KIRREL3: variants seen among roughly 807,000 people sequenced by gnomAD.
The protein encoded by KIRREL3 is kin of IRRE-like protein 3.
A neutral mutation model predicts 89.7 loss-of-function variants in KIRREL3; 36 were observed. That is an observed-to-expected ratio of 0.40 (90% CI 0.31 to 0.53). KIRREL3 has a LOEUF of 0.53. Among genes scored for constraint, KIRREL3 ranks in the 20% least tolerant of loss-of-function variants. KIRREL3 has a pLI of 0.49. For synonymous variants in KIRREL3, 445 were observed against 441.4 expected, an observed-to-expected ratio of 1.01 and a Z score of -0.10; for missense variants, 864 against 1,056.6, an observed-to-expected ratio of 0.82 and a Z score of 2.53.
intron 1 of KIRREL3, among the ~76,000 whole-genome samples, chr11:126,583,572 C>T (rs1941669162): frequency 1.3e-5 from 2 of 152,204 alleles, no homozygotes; most frequent in African/African-American, 4.8e-5. Context: ...TGGAGTTAGA[C>T]ACACTTAGGT....
chr11:126,831,435 TTC>T (rs5795530), intron 1 of KIRREL3, among the ~76,000 whole-genome samples: 1 of 149,906 alleles, frequency 6.7e-6, no homozygotes, highest in Non-Finnish European at 1.5e-5. Flanking sequence ...CTCTCTCTCT[TTC>T]TCTCTCTCTC....
intron 1 of KIRREL3, among the ~76,000 whole-genome samples, chr11:126,580,836 G>GT (rs58691243): frequency 0.37 from 51,354 of 140,634 alleles, 9,413 homozygotes; most frequent in South Asian, 0.53. Context: ...GGAATTTCCT[G>GT]TTTTTTTTTT....
chr11:126,556,590 A>T (rs144967284), intron 2 of KIRREL3, among the ~76,000 whole-genome samples: 9 of 152,186 alleles, frequency 5.9e-5, no homozygotes, highest in Admixed American at 2.0e-4. Flanking sequence ...GTGAGCCACG[A>T]TGGTACCACT....
intron 7 of KIRREL3, among the ~76,000 whole-genome samples, chr11:126,450,601 G>A (rs1470566060): frequency 6.6e-6 from 1 of 151,616 alleles, no homozygotes; most frequent in Admixed American, 6.6e-5. Context: ...GTGCATGTGT[G>A]TGTCCATCGG....
intron 1 of KIRREL3, among the ~76,000 whole-genome samples, chr11:126,613,799 C>T (rs945786990): frequency 1.3e-5 from 2 of 151,268 alleles, no homozygotes; most frequent in African/African-American, 2.4e-5. Flanking sequence ...GAACGAAAAC[C>T]CTTGCATTAC....
chr11:126,919,078 G>T (rs1947163601), intron 1 of KIRREL3, among the ~76,000 whole-genome samples: 1 of 151,568 alleles, frequency 6.6e-6, no homozygotes, highest in African/African-American at 2.4e-5. Context: ...CAGACCCAAG[G>T]AGATATGATT....
At position 126,955,585 on chromosome 11, in the gene KIRREL3, C is replaced by G. The variant is rs575282381; in HGVS notation, c.55+44870G>C. Among the ~76,000 whole-genome samples the G allele has an allele frequency of 6.6e-6, 1 of 152,336 alleles. No homozygotes were observed. The highest frequency in any genetic ancestry group is 2.1e-4 in the South Asian group (1 of 4,828). On this transcript the variant is annotated intron_variant, in intron 1 of 16. Coordinates refer to ENST00000525144, the MANE Select transcript of KIRREL3 (RefSeq NM_032531.4). The surrounding 1 kb of genome is among the most constrained non-coding windows in gnomAD (Gnocchi z 4.6). ...GGGAGACTTCCTTGCTGCATTCTAT[C>G]TCACTCCACCCCAATCCATTCTTTC...
Position 126,970,109 on chromosome 11 carries a change from C to T in KIRREL3, c.55+30346G>A, listed in dbSNP as rs992730898. On this transcript the variant is annotated intron_variant, in intron 1 of 16. Transcript: ENST00000525144. This position sits in a 1 kb window ranked among gnomAD's most constrained non-coding sequence, Gnocchi z 4.4. ...GGGACGGAACAGGAAAATGCAGCCT[C>T]TCTACCACTGCCCCTGCCCCCTCAG... Among the ~76,000 whole-genome samples, 4 of 152,210 alleles carry T rather than the reference C, an allele frequency of 2.6e-5. No individual in the cohort carries two copies. Among genetic ancestry groups the T allele is most frequent in the African/African-American group, 9.7e-5 (4 of 41,446 alleles).
rs947580470 is a variant in KIRREL3 at position 126,485,313 on chromosome 11, G to T, written c.434-11847C>A. Among the ~76,000 whole-genome samples, 8 of 152,154 alleles carry T rather than the reference G, an allele frequency of 5.3e-5. No homozygotes were observed. Among genetic ancestry groups the T allele is most frequent in the African/African-American group, 1.9e-4 (8 of 41,432 alleles). ...TTCTGCTCCTAACCTGGGGGTGGGG[G>T]GAACCCTGAACTAGCTGACTTCAGA... On this transcript the variant is annotated intron_variant, in intron 4 of 16. Coordinates refer to ENST00000525144, the MANE Select transcript of KIRREL3 (RefSeq NM_032531.4). This position sits in a 1 kb window ranked among gnomAD's most constrained non-coding sequence, Gnocchi z 5.8.
chr11:126,714,925 T>C (rs1032562437), intron 1 of KIRREL3, among the ~76,000 whole-genome samples: 2 of 152,158 alleles, frequency 1.3e-5, no homozygotes, highest in African/African-American at 4.8e-5. Flanking sequence ...CAGCGGAGTT[T>C]TACTTACATG....
At chr11:126,548,901 C>A (rs1434703628) in intron 2 of KIRREL3, among the ~76,000 whole-genome samples, 1 of 152,146 alleles carries the variant, frequency 6.6e-6, no homozygotes, top group African/African-American at 2.4e-5. Context: ...CTGGAAGCAT[C>A]CACAGCCACA....
chr11:126,629,195 C>T (rs1341549820), intron 1 of KIRREL3, among the ~76,000 whole-genome samples: 1 of 152,090 alleles, frequency 6.6e-6, no homozygotes, highest in East Asian at 1.9e-4. Flanking sequence ...GGACTGGGTG[C>T]TCTTCTTCAG....
chr11:126,896,737 G>T lies in KIRREL3; in HGVS notation c.55+103718C>A, dbSNP rs1015518474. Among the ~76,000 whole-genome samples the T allele has an allele frequency of 6.6e-6, 1 of 152,124 alleles. No homozygotes were observed. Among genetic ancestry groups the T allele is most frequent in the Admixed American group, 6.5e-5 (1 of 15,284 alleles). ...GTTCCATGGCCACAGCAAGCTCTCT[G>T]GCAGCCTCTGACCTGTGGAGATTCA... On this transcript the variant is annotated intron_variant, in intron 1 of 16. Coordinates refer to ENST00000525144, the MANE Select transcript of KIRREL3 (RefSeq NM_032531.4). This position sits in a 1 kb window ranked among gnomAD's most constrained non-coding sequence, Gnocchi z 4.1.
chr11:126,652,367 T>C lies in KIRREL3; in HGVS notation c.56-89455A>G, dbSNP rs1404426710. On this transcript the variant is annotated intron_variant, in intron 1 of 16. Transcript: ENST00000525144. The surrounding 1 kb of genome is among the most constrained non-coding windows in gnomAD (Gnocchi z 4.9). ...AAGAACCAAGACAGGAGAGGAAGCC[T>C]GGGCCAAGCCTGCCTAGGGAGTCTA... 1.3e-5 allele frequency among the ~76,000 whole-genome samples: 2 copies of C among 152,162 alleles called. No homozygotes were observed. The highest frequency in any genetic ancestry group is 2.4e-5 in the African/African-American group (1 of 41,428).
At chr11:126,452,448 G>A (rs1424789456) in intron 7 of KIRREL3, among the ~76,000 whole-genome samples, 1 of 152,250 alleles carries the variant, frequency 6.6e-6, no homozygotes, top group South Asian at 2.1e-4. Context: ...GGCCAAGCGG[G>A]CAGCTGGCTG....
At position 126,807,952 on chromosome 11, in the gene KIRREL3, C is replaced by T. The variant is rs1951258054; in HGVS notation, c.55+192503G>A. ...GGCTGCAACCTTTTTATCTGTATCC[C>T]TCAGTGCCTGGCATGGTGTTATTTT... On this transcript the variant is annotated intron_variant, in intron 1 of 16. Coordinates refer to ENST00000525144, the MANE Select transcript of KIRREL3 (RefSeq NM_032531.4). The surrounding 1 kb of genome is among the most constrained non-coding windows in gnomAD (Gnocchi z 4.3). Among the ~76,000 whole-genome samples the T allele has an allele frequency of 1.3e-5, 2 of 152,228 alleles. No homozygotes were observed. Among genetic ancestry groups the T allele is most frequent in the South Asian group, 2.1e-4 (1 of 4,822 alleles).
chr11:126,838,358 A>G (rs987106152), intron 1 of KIRREL3, among the ~76,000 whole-genome samples: 1 of 152,228 alleles, frequency 6.6e-6, no homozygotes, highest in Non-Finnish European at 1.5e-5. Flanking sequence ...ACTGGCTCAA[A>G]TCACTCTAGG....
chr11:126,781,391 T>G lies in KIRREL3; in HGVS notation c.56-218479A>C, dbSNP rs148502452. ...TAAACAAGATAATTTAAAACACCCA[T>G]TATTCTACCACCCAGGGGAAACCAG... is the stretch of plus-strand genomic sequence containing the variant. On this transcript the variant is annotated intron_variant, in intron 1 of 16. Coordinates refer to ENST00000525144, the MANE Select transcript of KIRREL3 (RefSeq NM_032531.4). 7.4e-3 allele frequency among the ~76,000 whole-genome samples: 1,134 copies of G among 152,302 alleles called. 11 individuals carry two copies. The highest frequency in any genetic ancestry group is 0.025 in the South Asian group (119 of 4,826).
intron 1 of KIRREL3, among the ~76,000 whole-genome samples, chr11:126,717,836 A>G (rs1371078165): frequency 1.3e-5 from 2 of 152,242 alleles, no homozygotes; most frequent in Non-Finnish European, 2.9e-5. Context: ...TCTAATATCC[A>G]TCTTTCTTAG....
Sources: allele counts gnomAD v4.1 joint callset (sites outside exome capture counted in the v4.1 genomes callset), GRCh38; gene constraint gnomAD v4.1.1; non-coding constraint Gnocchi (gnomAD v3.1); transcripts MANE v1.5; gene names NCBI Gene and HGNC (gene_info 2026-07-23, HGNC 2026-07-21).